Variants in DMD observed in about 807,000 individuals in gnomAD.
DMD encodes mutant dystrophin.
In DMD, 63 loss-of-function variants were observed where a neutral mutation model predicts 330.1. The observed-to-expected ratio is 0.19, with a 90% CI of 0.16 to 0.24. DMD has a LOEUF of 0.24. Among genes scored for constraint, DMD ranks in the 10% least tolerant of loss-of-function variants. The pLI is 1.00. For missense variants in DMD, 3,344 were observed against 2,684.1 expected, an observed-to-expected ratio of 1.25 and a Z score of -5.43; for synonymous variants, 1,223 against 959.8, an observed-to-expected ratio of 1.27 and a Z score of -5.07.
intron 45 of DMD, among the ~76,000 whole-genome samples, chrX:31,966,201 C>T (rs1354708575): frequency 9.1e-6 from 1 of 109,564 alleles, no homozygotes; most frequent in African/African-American, 3.4e-5. Context: ...ACTGAGAGTA[C>T]ACTATTGATT....
At chrX:32,420,371 C>A (rs1305951064) in intron 29 of DMD, among the ~76,000 whole-genome samples, 2 of 111,804 alleles carry the variant, frequency 1.8e-5, no homozygotes, top group African/African-American at 6.5e-5. Context: ...AAGTCCAAAT[C>A]TGGGGATAAA....
chrX:32,576,391 G>A (rs2053053753), intron 13 of DMD, among the ~76,000 whole-genome samples: 1 of 110,464 alleles, frequency 9.1e-6, no homozygotes, highest in South Asian at 3.8e-4. Context: ...TATTTGAACT[G>A]CCACCATAAC....
At chrX:32,670,532 T>G (rs966606596) in intron 9 of DMD, among the ~76,000 whole-genome samples, 5 of 111,656 alleles carry the variant, frequency 4.5e-5, no homozygotes, top group African/African-American at 1.6e-4. Flanking sequence ...GTAAACCTCA[T>G]AAATATTGCC....
intron 51 of DMD, among the ~76,000 whole-genome samples, chrX:31,768,559 G>T (rs1044893688): frequency 1.9e-5 from 2 of 107,414 alleles, no homozygotes; most frequent in African/African-American, 3.4e-5. Context: ...TTAAGGGTCA[G>T]ATTTAGTAAT....
intron 67 of DMD, among the ~76,000 whole-genome samples, chrX:31,191,968 A>C (rs2148434497): frequency 8.9e-6 from 1 of 112,613 alleles, no homozygotes; most frequent in African/African-American, 3.2e-5. Context: ...CTGTTTTTTG[A>C]ATTACAGTCT....
At chrX:33,219,088 T>A (rs2052112806) in intron 1 of DMD, among the ~76,000 whole-genome samples, 1 of 111,874 alleles carries the variant, frequency 8.9e-6, no homozygotes, top group African/African-American at 3.2e-5. Context: ...CATGTCAGTA[T>A]AAGTGACTAC....
intron 9 of DMD, among the ~76,000 whole-genome samples, chrX:32,682,723 C>G (rs1200957775): frequency 9.0e-6 from 1 of 111,727 alleles, no homozygotes; most frequent in Non-Finnish European, 1.9e-5. Context: ...ATATTTATTT[C>G]CAGCTTTCTA....
chrX:32,787,276 G>A (rs1278014713), intron 7 of DMD, among the ~76,000 whole-genome samples: 2 of 108,014 alleles, frequency 1.9e-5, no homozygotes, highest in South Asian at 8.1e-4. Flanking sequence ...GAGAGAGAAA[G>A]AGAGAGAGAA....
At chrX:31,824,237 G>A (rs963407820) in intron 49 of DMD, among the ~76,000 whole-genome samples, 2 of 111,033 alleles carry the variant, frequency 1.8e-5, no homozygotes, top group Non-Finnish European at 3.8e-5. Context: ...ATGGATAAGG[G>A]TATATGTAGA....
chrX:31,196,716 G>A lies in DMD; in HGVS notation c.9807+7245C>T, dbSNP rs369984907. Reference sequence around the variant, plus strand: ...CGTGCCTGTAGTCCCAGCTACTTGGGAGGCTGAGGCAGGAGAATCACTTGA... The same window carrying A: ...CGTGCCTGTAGTCCCAGCTACTTGGAAGGCTGAGGCAGGAGAATCACTTGA... On this transcript the variant is annotated intron_variant, in intron 67 of 78. Transcript: ENST00000357033. 5.3e-3 allele frequency among the ~76,000 whole-genome samples: 564 copies of A among 105,977 alleles called. 4 individuals are homozygous for A. Among genetic ancestry groups the A allele is most frequent in the Non-Finnish European group, 8.3e-3 (431 of 51,653 alleles). 92.0% of individuals were successfully genotyped at this position (105,977 alleles called of 115,157 possible). A position where few individuals can be genotyped will look rare whatever the true frequency, so the allele number is the denominator to read the frequency against.
At chrX:32,562,922 A>G (rs1015944110) in intron 16 of DMD, among the ~76,000 whole-genome samples, 1 of 112,131 alleles carries the variant, frequency 8.9e-6, no homozygotes, top group Non-Finnish European at 1.9e-5. Context: ...ATGAGAGAAA[A>G]CTGAAACATA....
intron 28 of DMD, 113 bp from the exon 29 acceptor site, chrX:32,438,503 A>G: frequency 1.1e-6 from 1 of 941,976 alleles, no homozygotes; most frequent in Non-Finnish European, 1.5e-6. Flanking sequence ...TAATCAATTT[A>G]AAGCAAATTT....
intron 58 of DMD, 143 bp downstream of exon 58, chrX:31,478,840 A>T: frequency 1.6e-6 from 1 of 614,481 alleles, no homozygotes; most frequent in Non-Finnish European, 2.4e-6. Flanking sequence ...TTTTTTTTTC[A>T]GCATCTATGT....
chrX:32,252,795 T>A lies in DMD; in HGVS notation c.6290+34734A>T, dbSNP rs866525909. ...ATAAATATATATAAATATATATAAA[T>A]ATATATATAAATATATATAAGTATA... On this transcript the variant is annotated intron_variant, in intron 43 of 78. Transcript: ENST00000357033. 2.7e-3 allele frequency among the ~76,000 whole-genome samples: 126 copies of A among 46,723 alleles called. 1 individual carries two copies. The highest frequency in any genetic ancestry group is 0.018 in the African/African-American group (113 of 6,144). 40.6% of individuals were successfully genotyped at this position (46,723 alleles called of 115,157 possible).
At chrX:31,674,939 T>C (rs922853331) in intron 53 of DMD, among the ~76,000 whole-genome samples, 7 of 112,452 alleles carry the variant, frequency 6.2e-5, no homozygotes, top group Non-Finnish European at 1.1e-4. Flanking sequence ...TCTCATAGGA[T>C]TCTGTCATAG....
chrX:32,456,608 G>A (rs1334277808), intron 25 of DMD, among the ~76,000 whole-genome samples: 1 of 99,441 alleles, frequency 1.0e-5, no homozygotes, highest in African/African-American at 4.2e-5. Context: ...GTGTGTGTGT[G>A]TGTGTGTGTA....
At chrX:32,762,140 G>A (rs1261883855) in intron 7 of DMD, among the ~76,000 whole-genome samples, 3 of 100,919 alleles carry the variant, frequency 3.0e-5, no homozygotes, top group Non-Finnish European at 5.9e-5. Context: ...GACAGAGCAA[G>A]ACTCTGTCTC....
At chrX:31,612,388 T>C (rs1025843339) in intron 55 of DMD, among the ~76,000 whole-genome samples, 1 of 112,115 alleles carries the variant, frequency 8.9e-6, no homozygotes, top group African/African-American at 3.2e-5. Flanking sequence ...CCAACTTCAA[T>C]AGATAGCTGC....
At chrX:32,078,776 C>A (rs112275642) in intron 44 of DMD, among the ~76,000 whole-genome samples, 1 of 111,752 alleles carries the variant, frequency 8.9e-6, no homozygotes, top group African/African-American at 3.3e-5. Context: ...TCAATATAAG[C>A]AAAAAGAAGC....
Sources: gnomAD v4.1 joint callset for allele counts (sites outside exome capture counted in the v4.1 genomes callset) on GRCh38, gnomAD v4.1.1 for gene constraint, MANE v1.5 for transcripts, NCBI Gene and HGNC (gene_info 2026-07-23, HGNC 2026-07-21) for gene names.